The following CLVS1 variants were observed in gnomAD, a reference collection of about 807,000 sequenced individuals.
The protein encoded by CLVS1 is clavesin 1.
CLVS1 carries 10 observed loss-of-function variants against 33.1 expected under a neutral mutation model. That is an observed-to-expected ratio of 0.30 (90% CI 0.19 to 0.51). The LOEUF is 0.51. Ranked by LOEUF, CLVS1 falls within the 20% of genes least tolerant of loss-of-function variation. The pLI is 0.97. For missense variants in CLVS1, 343 were observed against 433.4 expected (o/e 0.79, Z 1.85); for synonymous variants, 163 against 166.1 (o/e 0.98, Z 0.14).
intron 2 of CLVS1, among the ~76,000 whole-genome samples, chr8:61,275,693 G>T (rs908761644): frequency 6.6e-6 from 1 of 152,098 alleles, no homozygotes; most frequent in Non-Finnish European, 1.5e-5. Flanking sequence ...CTCATTTCGC[G>T]CAATGAAGAA....
intron 1 of CLVS1, among the ~76,000 whole-genome samples, chr8:61,062,078 G>A (rs1036746486): frequency 1.5e-4 from 23 of 152,082 alleles, no homozygotes; most frequent in African/African-American, 3.6e-4. Flanking sequence ...ACTAGGTCAC[G>A]TATGAACTAT....
chr8:61,485,429 A>G (rs1803841114), intron 5 of CLVS1, among the ~76,000 whole-genome samples: 1 of 152,240 alleles, frequency 6.6e-6, no homozygotes, highest in Non-Finnish European at 1.5e-5. Flanking sequence ...GGCGATCATT[A>G]AAAAGTCAGG....
At chr8:61,135,261 A>T (rs577617364) in intron 2 of CLVS1, among the ~76,000 whole-genome samples, 1 of 152,046 alleles carries the variant, frequency 6.6e-6, no homozygotes, top group Admixed American at 6.5e-5. Flanking sequence ...GCTTGGCAAG[A>T]CCTGTTGTTA....
chr8:61,202,135 C>T (rs1807746167), intron 2 of CLVS1, among the ~76,000 whole-genome samples: 1 of 152,184 alleles, frequency 6.6e-6, no homozygotes, highest in South Asian at 2.1e-4. Context: ...AGGTTATGTC[C>T]TAATGCTTGC....
At chr8:61,011,770 A>G in the CLVS1 span, among the ~76,000 whole-genome samples, 1 of 152,126 alleles carries the variant, frequency 6.6e-6, no homozygotes, top group Non-Finnish European at 1.5e-5. Flanking sequence ...TTAATATTCC[A>G]TTATGAGTGT....
intron 2 of CLVS1, among the ~76,000 whole-genome samples, chr8:61,316,310 A>G (rs984358434): frequency 3.9e-5 from 6 of 152,236 alleles, no homozygotes; most frequent in African/African-American, 1.4e-4. Flanking sequence ...ACAATTGGCT[A>G]CTGCGAATAC....
chr8:61,306,132 T>C (rs1049157989), intron 2 of CLVS1, among the ~76,000 whole-genome samples: 3 of 152,224 alleles, frequency 2.0e-5, no homozygotes, highest in African/African-American at 7.2e-5. Flanking sequence ...CCACAATCTT[T>C]GAACTAATTT....
chr8:61,269,542 A>T (rs1266428690), intron 2 of CLVS1, among the ~76,000 whole-genome samples: 3 of 151,728 alleles, frequency 2.0e-5, no homozygotes, highest in Non-Finnish European at 2.9e-5. Flanking sequence ...AGTTTTTTCC[A>T]ATTCTGTGAA....
intron 2 of CLVS1, among the ~76,000 whole-genome samples, chr8:61,203,555 A>G (rs1276371186): frequency 6.6e-6 from 1 of 152,152 alleles, no homozygotes; most frequent in Non-Finnish European, 1.5e-5. Context: ...AAAAAAAAAA[A>G]AGAATGGTAG....
the CLVS1 span, among the ~76,000 whole-genome samples, chr8:61,038,437 G>GTATA: frequency 3.7e-3 from 532 of 142,732 alleles, 4 homozygotes; most frequent in African/African-American, 0.013. Context: ...CCTGTCGTTT[G>GTATA]TATATATATA....
intron 2 of CLVS1, among the ~76,000 whole-genome samples, chr8:61,153,871 T>A (rs1806595538): frequency 6.6e-6 from 1 of 152,170 alleles, no homozygotes; most frequent in Non-Finnish European, 1.5e-5. Context: ...ACTGGTGTCC[T>A]GGGGGCATTT....
intron 5 of CLVS1, among the ~76,000 whole-genome samples, chr8:61,492,627 A>T (rs149936508): frequency 2.6e-4 from 39 of 152,360 alleles, no homozygotes; most frequent in South Asian, 6.2e-4. Flanking sequence ...TATAGGCAAG[A>T]GCTGGGAATT....
chr8:61,434,116 C>G (rs1160306091), intron 3 of CLVS1, among the ~76,000 whole-genome samples: 2 of 152,014 alleles, frequency 1.3e-5, no homozygotes, highest in East Asian at 3.9e-4. Context: ...TTAATCTCTT[C>G]CAGGGAATTA....
intron 1 of CLVS1, among the ~76,000 whole-genome samples, chr8:61,087,312 A>G (rs1055427333): frequency 7.9e-5 from 12 of 152,190 alleles, no homozygotes; most frequent in African/African-American, 2.9e-4. Context: ...AGGGAAATGC[A>G]TGGCGTACCA....
intron 2 of CLVS1, among the ~76,000 whole-genome samples, chr8:61,335,417 G>T (rs919712063): frequency 1.3e-5 from 2 of 152,172 alleles, no homozygotes; most frequent in Non-Finnish European, 2.9e-5. Flanking sequence ...AGATGGAGTC[G>T]GTTAAGTTAG....
At chr8:61,311,815 CA>C (rs1810842400) in intron 2 of CLVS1, among the ~76,000 whole-genome samples, 1 of 152,194 alleles carries the variant, frequency 6.6e-6, no homozygotes, top group African/African-American at 2.4e-5. Context: ...CTTCTCAAAG[CA>C]AGTCCCAGTG....
At chr8:61,215,682 ATGTGTGTGTGTGTGTGTGTGTGTGTGTG>A (rs72193127) in intron 2 of CLVS1, among the ~76,000 whole-genome samples, 15 of 143,828 alleles carry the variant, frequency 1.0e-4, no homozygotes, top group Admixed American at 2.8e-4. Flanking sequence ...GAAATTGAAA[ATGTGTGTGTGTGTGTGTGTGTGTGTGTG>A]TGTGTGTGTG....
the CLVS1 span, among the ~76,000 whole-genome samples, chr8:60,992,295 C>T: frequency 3.9e-5 from 6 of 152,134 alleles, no homozygotes; most frequent in African/African-American, 9.7e-5. Context: ...TGTTCTATCA[C>T]CTATTTCCAA....
At chr8:61,468,774 C>T (rs1366196764) in intron 5 of CLVS1, among the ~76,000 whole-genome samples, 4 of 149,430 alleles carry the variant, frequency 2.7e-5, no homozygotes, top group Non-Finnish European at 5.9e-5. Context: ...CCTCATTCAG[C>T]TCATGGACTT....
Sources: allele counts gnomAD v4.1 joint callset (sites outside exome capture counted in the v4.1 genomes callset), GRCh38; gene constraint gnomAD v4.1.1; transcripts MANE v1.5; gene names NCBI Gene and HGNC (gene_info 2026-07-23, HGNC 2026-07-21).